The following DNASE1 variants were observed in gnomAD, a reference collection of about 807,000 sequenced individuals.
The protein encoded by DNASE1 is deoxyribonuclease 1.
In DNASE1, 40 loss-of-function variants were observed where a neutral mutation model predicts 33.9. That is an observed-to-expected ratio of 1.18 (90% CI 0.92 to 1.54). The LOEUF is 1.54. DNASE1 is among the 40% of genes most tolerant of loss of function. The probability of loss-of-function intolerance (pLI) is 0.00; values close to 1 mark genes in which losing one functional copy is unlikely to be tolerated. For synonymous variants in DNASE1, 216 were observed against 160.0 expected, an observed-to-expected ratio of 1.35 and a Z score of -2.64; for missense variants, 518 against 372.6, an observed-to-expected ratio of 1.39 and a Z score of -3.21.
intron 1 of DNASE1, among the ~76,000 whole-genome samples, chr16:3,620,025 C>T (rs1487554909): frequency 6.6e-6 from 1 of 151,122 alleles, no homozygotes; most frequent in Non-Finnish European, 1.5e-5. Flanking sequence ...AAGTGATTCT[C>T]TTGCCTCAGC....
chr16:3,662,730 C>T (rs772224171), downstream of DNASE1: 1 of 742,492 alleles, frequency 1.3e-6, no homozygotes, highest in Non-Finnish European at 2.4e-6. Flanking sequence ...CAACACGTGC[C>T]GAGCAGGGAC....
At chr16:3,642,900 G>A (rs2042064285), upstream of DNASE1, 1 of 152,476 alleles carries the variant, frequency 6.6e-6, no homozygotes, top group Non-Finnish European at 1.5e-5. Flanking sequence ...AGGTTCCGCA[G>A]GCTCTGCGTC....
At chr16:3,634,395 A>AT (rs1363592515) in intron 1 of DNASE1, among the ~76,000 whole-genome samples, 3 of 150,532 alleles carry the variant, frequency 2.0e-5, no homozygotes, top group African/African-American at 4.9e-5. Flanking sequence ...TGCCCGGCTC[A>AT]TTTTTTGTAG....
intron 1 of DNASE1, among the ~76,000 whole-genome samples, chr16:3,615,237 A>G (rs138483720): frequency 3.9e-5 from 6 of 152,170 alleles, no homozygotes. Context: ...AGTATAAGAG[A>G]GATGGCAAGA....
At position 3,654,757 on chromosome 16, in the gene DNASE1, C is replaced by T. The variant is rs892179207; in HGVS notation, c.-289C>T. The T allele has an allele frequency of 1.0e-5, 4 of 399,772 alleles. No homozygotes were observed. The highest frequency in any genetic ancestry group is 4.4e-5 in the Admixed American group (1 of 22,776). The allele number at this position is 399,772 out of a possible 1,614,324, so 24.8% of individuals were successfully genotyped here. On this transcript the variant is annotated 5_prime_UTR_variant, in exon 1 of 9. Transcript: ENST00000246949. ...AACACGTGCTAGCAACCCACCTATG[C>T]GGAAAGCCACACAGAGCCATTGTTT...
chr16:3,652,698 C>T (rs1311624780), upstream of DNASE1: 1 of 152,438 alleles, frequency 6.6e-6, no homozygotes, highest in Non-Finnish European at 1.5e-5. Flanking sequence ...GGGTGCCAGT[C>T]TTGTGGAGGG....
upstream of DNASE1, among the ~76,000 whole-genome samples, chr16:3,639,206 G>A (rs1327792722): frequency 6.6e-6 from 1 of 152,114 alleles, no homozygotes; most frequent in African/African-American, 2.4e-5. Flanking sequence ...TTTCTCCCTT[G>A]CCCCATGCTG....
chr16:3,658,299 C>G (rs912729878), downstream of DNASE1: 8 of 1,249,814 alleles, frequency 6.4e-6, no homozygotes, highest in Middle Eastern at 1.9e-4. Context: ...TTTTTTGAGA[C>G]AGAGTCTCAC....
intron 1 of DNASE1, among the ~76,000 whole-genome samples, chr16:3,619,282 C>G (rs551795972): frequency 6.6e-6 from 1 of 152,300 alleles, no homozygotes; most frequent in African/African-American, 2.4e-5. Context: ...GTGATCTGCC[C>G]ACCTTGGCCT....
downstream of DNASE1, chr16:3,659,506 GA>G (rs2042940045): frequency 6.6e-6 from 1 of 152,148 alleles, no homozygotes; most frequent in South Asian, 2.1e-4. Context: ...AAGAATGATT[GA>G]CATATTTGAC....
intron 1 of DNASE1, among the ~76,000 whole-genome samples, chr16:3,636,331 C>G (rs1408960066): frequency 6.6e-6 from 1 of 152,178 alleles, no homozygotes; most frequent in East Asian, 1.9e-4. Context: ...AGCATATCAT[C>G]TACTTTTTCC....
chr16:3,663,624 G>T (rs1448790559), exon 10 of DNASE1: 7 of 1,601,052 alleles, frequency 4.4e-6, no homozygotes, highest in African/African-American at 1.3e-5. Flanking sequence ...ACAGAAGAAA[G>T]GATGAGGGCG....
intron 1 of DNASE1, among the ~76,000 whole-genome samples, chr16:3,643,855 G>A (rs553773351): frequency 2.7e-4 from 41 of 152,178 alleles, no homozygotes; most frequent in African/African-American, 7.7e-4. Flanking sequence ...TCTGCCATCC[G>A]GGTTCACGCC....
chr16:3,655,467 A>G lies in DNASE1; in HGVS notation c.94A>G (p.Thr32Ala). 6.2e-7 allele frequency: 1 copy of G among 1,614,114 alleles called. No homozygotes were observed. The highest frequency in any genetic ancestry group is 8.5e-7 in the Non-Finnish European group (1 of 1,180,024). ...GAAGATCGCAGCCTTCAACATCCAG[A>G]CATTTGGGGAGACCAAGATGTCCAA... ...SLKIAAFNIQTFGETKMSNAT... is the reference protein window; with the variant it reads ...SLKIAAFNIQAFGETKMSNAT... The change falls in exon 2 of 9, where the codon ACA becomes GCA. Residue 32 changes from threonine to alanine, a missense_variant. By Grantham distance (58) the Thr-to-Ala change is moderately conservative. Transcript: ENST00000246949.
At chr16:3,657,482 A>T in intron 7 of DNASE1, 141 bp downstream of exon 7, 1 of 1,308,202 alleles carries the variant, frequency 7.6e-7, no homozygotes. Flanking sequence ...GGAACAGAAT[A>T]ACAAGAGCCA....
At position 3,655,368 on chromosome 16, in the gene DNASE1, C is replaced by G. The variant is rs1436092730; in HGVS notation, c.-1-5C>G. 12 of 1,613,984 alleles carry G rather than the reference C, an allele frequency of 7.4e-6. No homozygotes were observed. The highest frequency in any genetic ancestry group is 1.0e-5 in the Non-Finnish European group (12 of 1,180,042). On this transcript the variant is annotated splice_polypyrimidine_tract_variant and splice_region_variant and intron_variant, in intron 1 of 8. Coordinates refer to ENST00000246949, the MANE Select transcript of DNASE1 (RefSeq NM_005223.4). ...GTTATGTCTCTGTGCCCTGTGCTCT[C>G]CCAGGATGAGGGGCATGAAGCTGCT...
exon 10 of DNASE1, chr16:3,664,474 G>A (rs1253571879): frequency 3.7e-6 from 6 of 1,600,992 alleles, no homozygotes; most frequent in Non-Finnish European, 5.1e-6. Flanking sequence ...AAGGGACGGG[G>A]CAGGTCACCA....
At chr16:3,627,919 A>T (rs2041566704) in intron 1 of DNASE1, among the ~76,000 whole-genome samples, 1 of 131,858 alleles carries the variant, frequency 7.6e-6, no homozygotes, top group Non-Finnish European at 1.6e-5. Context: ...GAATTTCAGC[A>T]TGTATTTTCT....
At chr16:3,634,712 G>C (rs149163924) in intron 1 of DNASE1, among the ~76,000 whole-genome samples, 2 of 151,094 alleles carry the variant, frequency 1.3e-5, no homozygotes, top group Non-Finnish European at 2.9e-5. Context: ...ACAGGGTCTC[G>C]CTATGTTGCC....
Sources: allele counts gnomAD v4.1 joint callset (sites outside exome capture counted in the v4.1 genomes callset), GRCh38; gene constraint gnomAD v4.1.1; transcripts MANE v1.5; gene names NCBI Gene and HGNC (gene_info 2026-07-23, HGNC 2026-07-21).